PAK1: variants seen among roughly 807,000 people sequenced by gnomAD.
The protein encoded by PAK1 is serine/threonine-protein kinase PAK 1.
In PAK1, 29 loss-of-function variants were observed where a neutral mutation model predicts 67.4. The observed-to-expected ratio is 0.43, with a 90% CI of 0.32 to 0.59. The LOEUF is 0.59. Ranked by LOEUF, PAK1 falls within the 20% of genes least tolerant of loss-of-function variation. The probability of loss-of-function intolerance (pLI) is 0.07; values close to 1 mark genes in which losing one functional copy is unlikely to be tolerated. For missense variants in PAK1, 337 were observed against 670.7 expected (o/e 0.50, Z 5.50); for synonymous variants, 223 against 237.4 (o/e 0.94, Z 0.56).
intron 11 of PAK1, among the ~76,000 whole-genome samples, chr11:77,340,207 T>C (rs1943377170): frequency 6.6e-6 from 1 of 152,198 alleles, no homozygotes; most frequent in Non-Finnish European, 1.5e-5. Flanking sequence ...CTTCCCTGAC[T>C]GTCTTGTCTA....
chr11:77,466,811 T>A (rs553447545), intron 1 of PAK1, among the ~76,000 whole-genome samples: 1 of 152,088 alleles, frequency 6.6e-6, no homozygotes, highest in South Asian at 2.1e-4. Context: ...AACTAAACAA[T>A]CATAAGAACC....
the PAK1 span, among the ~76,000 whole-genome samples, chr11:77,508,003 C>T: frequency 6.6e-6 from 1 of 152,218 alleles, no homozygotes; most frequent in Admixed American, 6.5e-5. Flanking sequence ...AGTCCCACCC[C>T]TCTCCCCACC....
At chr11:77,367,530 T>C (rs1216818570) in intron 5 of PAK1, among the ~76,000 whole-genome samples, 1 of 151,816 alleles carries the variant, frequency 6.6e-6, no homozygotes, top group Non-Finnish European at 1.5e-5. Flanking sequence ...TTTCTTAAAA[T>C]AAAAAAGTGA....
intron 1 of PAK1, among the ~76,000 whole-genome samples, chr11:77,400,775 T>C (rs1415111272): frequency 2.0e-5 from 3 of 152,224 alleles, no homozygotes; most frequent in African/African-American, 4.8e-5. Flanking sequence ...TACTGAAAAC[T>C]TGGAAATCTA....
intron 5 of PAK1, among the ~76,000 whole-genome samples, chr11:77,361,016 G>GCCATCCAT (rs1215765561): frequency 1.3e-5 from 2 of 152,010 alleles, no homozygotes; most frequent in East Asian, 1.9e-4. Context: ...TACCCATATA[G>GCCATCCAT]CCATCCATCC....
chr11:77,402,141 C>G (rs946075702), intron 1 of PAK1, among the ~76,000 whole-genome samples: 173 of 152,180 alleles, frequency 1.1e-3, no homozygotes, highest in African/African-American at 4.1e-3. Flanking sequence ...AAAAACATTA[C>G]TAGCTTCTGA....
the PAK1 span, among the ~76,000 whole-genome samples, chr11:77,490,281 T>TGG: frequency 1.7e-3 from 164 of 94,058 alleles, 3 homozygotes; most frequent in African/African-American, 7.6e-3. Context: ...CAGAGGGAGG[T>TGG]GGGGGTCAGC....
chr11:77,332,656 TACA>T (rs1941913730), intron 14 of PAK1, 71 bp downstream of exon 14: 5 of 1,241,980 alleles, frequency 4.0e-6, no homozygotes, highest in Middle Eastern at 2.5e-4. Flanking sequence ...TCCAGTACCT[TACA>T]AACATGAAGT....
At chr11:77,500,612 G>A in the PAK1 span, among the ~76,000 whole-genome samples, 16 of 152,272 alleles carry the variant, frequency 1.1e-4, no homozygotes, top group Middle Eastern at 6.8e-3. Context: ...TTGGGAAGCC[G>A]AGGCAGGAGG....
rs1246586447 is a variant in PAK1, at chr11:77,405,670, GACAGACACACACACAC to G, written c.-21-13145_-21-13130del. ...CTATTCAAAGACAGACAGACAGACA[GACAGACACACACACAC>G]ACACACACACACACACACACACACA... On this transcript the variant is annotated intron_variant, in intron 1 of 14. Transcript: ENST00000356341. 2.4e-3 allele frequency among the ~76,000 whole-genome samples: 302 copies of G among 125,658 alleles called. 2 individuals are homozygous for G. Among genetic ancestry groups the G allele is most frequent in the African/African-American group, 9.1e-3 (283 of 30,976 alleles). 82.4% of individuals were successfully genotyped at this position (125,658 alleles called of 152,430 possible). A position where few individuals can be genotyped will look rare whatever the true frequency, so the allele number is the denominator to read the frequency against.
intron 5 of PAK1, among the ~76,000 whole-genome samples, chr11:77,367,730 G>C (rs180752259): frequency 6.6e-6 from 1 of 152,202 alleles, no homozygotes; most frequent in Non-Finnish European, 1.5e-5. Flanking sequence ...TGTAATCCCA[G>C]CACTCTGGGA....
At chr11:77,503,937 G>A in the PAK1 span, among the ~76,000 whole-genome samples, 4 of 152,096 alleles carry the variant, frequency 2.6e-5, no homozygotes, top group Non-Finnish European at 4.4e-5. Context: ...TCCAGCCCAG[G>A]CTGGAGTGCA....
chr11:77,328,927 C>T (rs557666373), intron 14 of PAK1, among the ~76,000 whole-genome samples: 102 of 152,094 alleles, frequency 6.7e-4, no homozygotes, highest in Non-Finnish European at 1.2e-3. Context: ...ATCAAATAGA[C>T]GCAATCAAAA....
In PAK1 at chr11:77,433,211, G is replaced by T. The variant is rs535407003; in HGVS notation, c.-22+40341C>A. Among the ~76,000 whole-genome samples, 6 of 152,288 alleles carry T rather than the reference G, an allele frequency of 3.9e-5. No individual in the cohort carries two copies. The East Asian group carries it at 1.2e-3, about 29-fold the overall frequency. On this transcript the variant is annotated intron_variant, in intron 1 of 14. Coordinates refer to ENST00000356341, the MANE Select transcript of PAK1 (RefSeq NM_002576.5). ...AAAAACTAACTCAAAATGGATCACA[G>T]CTTTAACTGTAAGAGCTAAAAGTAT...
chr11:77,472,059 T>C (rs1957882977), intron 1 of PAK1, among the ~76,000 whole-genome samples: 1 of 152,188 alleles, frequency 6.6e-6, no homozygotes, highest in Non-Finnish European at 1.5e-5. Flanking sequence ...CCATTAGACT[T>C]TGAGCTCTTT....
intron 11 of PAK1, among the ~76,000 whole-genome samples, chr11:77,339,332 G>GA (rs920016852): frequency 6.6e-6 from 1 of 151,800 alleles, no homozygotes; most frequent in Non-Finnish European, 1.5e-5. Flanking sequence ...GGGGTGGGGT[G>GA]AAAAAAATCT....
At chr11:77,489,454 C>G in the PAK1 span, among the ~76,000 whole-genome samples, 6 of 151,708 alleles carry the variant, frequency 4.0e-5, no homozygotes. Context: ...CCTCTCCCCA[C>G]GGTCTCCCTC....
the PAK1 span, among the ~76,000 whole-genome samples, chr11:77,506,250 C>T: frequency 6.6e-6 from 1 of 152,182 alleles, no homozygotes; most frequent in Admixed American, 6.5e-5. Flanking sequence ...AGACACTATT[C>T]TCAGGGCTTT....
At chr11:77,365,174 C>T (rs1473308269) in intron 5 of PAK1, among the ~76,000 whole-genome samples, 1 of 149,094 alleles carries the variant, frequency 6.7e-6, no homozygotes, top group African/African-American at 2.5e-5. Context: ...ATCGCTTGAA[C>T]TCAGGAGGCA....
Sources: allele counts gnomAD v4.1 joint callset (sites outside exome capture counted in the v4.1 genomes callset), GRCh38; gene constraint gnomAD v4.1.1; transcripts MANE v1.5; gene names NCBI Gene and HGNC (gene_info 2026-07-23, HGNC 2026-07-21).